BEND3: variants seen among roughly 807,000 people sequenced by gnomAD.
The protein encoded by BEND3 is BEN domain containing 3.
Under a neutral mutation model 60.1 loss-of-function variants are expected in BEND3, and 13 were observed. That is an observed-to-expected ratio of 0.22 (90% CI 0.14 to 0.34). BEND3 has a LOEUF of 0.34. Ranked by LOEUF, BEND3 falls within the 10% of genes least tolerant of loss-of-function variation. The probability of loss-of-function intolerance (pLI) is 1.00; values close to 1 mark genes in which losing one functional copy is unlikely to be tolerated. For synonymous variants in BEND3, 497 were observed against 491.5 expected (o/e 1.01, Z -0.15); for missense variants, 896 against 1,138.1 (o/e 0.79, Z 3.06).
intron 1 of BEND3, among the ~76,000 whole-genome samples, chr6:107,102,903 C>G (rs1289988974): frequency 6.6e-6 from 1 of 152,198 alleles, no homozygotes; most frequent in Non-Finnish European, 1.5e-5. Context: ...GTAACTCCTC[C>G]AGTGTCACAT....
chr6:107,104,273 G>C (rs1416467841), intron 1 of BEND3, among the ~76,000 whole-genome samples: 1 of 129,996 alleles, frequency 7.7e-6, no homozygotes, highest in Non-Finnish European at 1.5e-5. Context: ...CTGGGCGACA[G>C]AGCGAGACTC....
At position 107,067,135 on chromosome 6, in the gene BEND3, T is replaced by C. The variant is rs1212528858; in HGVS notation, c.*1569A>G. ...ATGCTCCTGGGTACAGGCAAAATTATGTCATACAGCCACTGGAACTGAAGT... is the reference window on the plus strand; with the variant it reads ...ATGCTCCTGGGTACAGGCAAAATTACGTCATACAGCCACTGGAACTGAAGT... On this transcript the variant is annotated 3_prime_UTR_variant, in exon 4 of 4. Coordinates refer to ENST00000369042, the MANE Select transcript of BEND3 (RefSeq NM_001367314.1). The C allele has an allele frequency of 1.3e-5, 2 of 152,222 alleles. No homozygotes were observed. Among genetic ancestry groups the C allele is most frequent in the African/African-American group, 4.8e-5 (2 of 41,460 alleles). 9.4% of individuals were successfully genotyped at this position (152,222 alleles called of 1,614,324 possible).
intron 1 of BEND3, chr6:107,106,008 A>T (rs1554237438): frequency 6.6e-6 from 1 of 152,244 alleles, no homozygotes; most frequent in East Asian, 1.9e-4. Flanking sequence ...TAAAGTGGAG[A>T]GAATATGCTC....
At chr6:107,076,855 C>T (rs1181487207) in intron 3 of BEND3, among the ~76,000 whole-genome samples, 1 of 151,858 alleles carries the variant, frequency 6.6e-6, no homozygotes, top group Admixed American at 6.6e-5. Flanking sequence ...TTTTTTGAGA[C>T]AGGATCTCAC....
chr6:107,068,432 T>C lies in BEND3; in HGVS notation c.*272A>G, dbSNP rs1206415831. 2 of 426,956 alleles carry C rather than the reference T, an allele frequency of 4.7e-6. No homozygotes were observed. The highest frequency in any genetic ancestry group is 4.0e-5 in the African/African-American group (2 of 49,780). 26.4% of individuals were successfully genotyped at this position (426,956 alleles called of 1,614,324 possible). ...CCAGGGAGAGAGGACCCCTAACCTC[T>C]GGTCCCTGCCCTCACAGCTTGCTCT... On this transcript the variant is annotated 3_prime_UTR_variant, in exon 4 of 4. Coordinates refer to ENST00000369042, the MANE Select transcript of BEND3 (RefSeq NM_001367314.1). The surrounding 1 kb of genome is among the most constrained non-coding windows in gnomAD (Gnocchi z 5.8).
chr6:107,098,412 A>G (rs1582665233), intron 3 of BEND3, 139 bp downstream of exon 3: 1 of 810,242 alleles, frequency 1.2e-6, no homozygotes. Context: ...CTGAAGCCAG[A>G]GATGGGATAG....
chr6:107,071,973 C>T (rs1225123495), intron 3 of BEND3, among the ~76,000 whole-genome samples: 2 of 152,174 alleles, frequency 1.3e-5, no homozygotes, highest in South Asian at 2.1e-4. Context: ...CGTGTCAAAA[C>T]GTATCAAATT....
At chr6:107,111,236 C>T (rs782392688) in intron 1 of BEND3, among the ~76,000 whole-genome samples, 2 of 151,530 alleles carry the variant, frequency 1.3e-5, no homozygotes, top group South Asian at 2.1e-4. Flanking sequence ...GTAGGCTAGG[C>T]GTGGTGGCTC....
chr6:107,080,337 A>G (rs1775199398), intron 3 of BEND3, among the ~76,000 whole-genome samples: 1 of 144,586 alleles, frequency 6.9e-6, no homozygotes, highest in African/African-American at 2.6e-5. Context: ...CCTGAGCCAC[A>G]GAATGAGATC....
At chr6:107,078,709 G>A (rs1299949214) in intron 3 of BEND3, among the ~76,000 whole-genome samples, 2 of 151,156 alleles carry the variant, frequency 1.3e-5, no homozygotes, top group Non-Finnish European at 2.9e-5. Context: ...ACAGCCCAGC[G>A]AGGCGGGCAG....
Position 107,099,312 on chromosome 6 carries a change from A to C in BEND3, c.-11-16T>G, listed in dbSNP as rs4946811. ...TTCTATTCCGCTAAATAAAAAGACA[A>C]AGACAATGTGTTGACTTATTGCTTG... On this transcript the variant is annotated splice_polypyrimidine_tract_variant and intron_variant, in intron 1 of 3. Coordinates refer to ENST00000369042, the MANE Select transcript of BEND3 (RefSeq NM_001367314.1). 596,613 of 1,590,574 alleles carry C rather than the reference A, an allele frequency of 0.38. 119,466 individuals carry two copies. Among genetic ancestry groups the C allele is most frequent in the Admixed American group, 0.62 (37,049 of 59,306 alleles).
At chr6:107,110,112 T>C (rs540217219) in intron 1 of BEND3, among the ~76,000 whole-genome samples, 21 of 151,838 alleles carry the variant, frequency 1.4e-4, no homozygotes, top group South Asian at 4.2e-4. Context: ...GGCGGAAGCA[T>C]TGCTTGAGCC....
At chr6:107,104,067 G>A (rs942498773) in intron 1 of BEND3, among the ~76,000 whole-genome samples, 1 of 151,906 alleles carries the variant, frequency 6.6e-6, no homozygotes, top group African/African-American at 2.4e-5. Context: ...GGCAGATCAC[G>A]AGGTCAGGAG....
intron 3 of BEND3, among the ~76,000 whole-genome samples, chr6:107,097,170 C>G (rs560742530): frequency 4.0e-5 from 6 of 151,768 alleles, no homozygotes; most frequent in African/African-American, 1.4e-4. Flanking sequence ...AGATTGAGAC[C>G]AGCCTGACCA....
At chr6:107,075,721 G>C (rs1468450230) in intron 3 of BEND3, among the ~76,000 whole-genome samples, 1 of 152,184 alleles carries the variant, frequency 6.6e-6, no homozygotes. Flanking sequence ...CTAAGAAAGA[G>C]ATCATCAGAA....
At chr6:107,079,929 C>G (rs1297711847) in intron 3 of BEND3, among the ~76,000 whole-genome samples, 3 of 151,354 alleles carry the variant, frequency 2.0e-5, no homozygotes, top group Non-Finnish European at 4.4e-5. Flanking sequence ...CAGGGTCTCA[C>G]TATGTTGCCC....
At chr6:107,083,826 C>T (rs142823618) in intron 3 of BEND3, among the ~76,000 whole-genome samples, 123 of 152,010 alleles carry the variant, frequency 8.1e-4, no homozygotes, top group Middle Eastern at 3.4e-3. Context: ...CCATGGCTCA[C>T]GCCTGTAATC....
chr6:107,093,423 T>G (rs1016180265), intron 3 of BEND3, among the ~76,000 whole-genome samples: 2 of 150,714 alleles, frequency 1.3e-5, no homozygotes, highest in Non-Finnish European at 2.9e-5. Flanking sequence ...ATCGCGCCAC[T>G]GCACTCCAGC....
intron 3 of BEND3, among the ~76,000 whole-genome samples, chr6:107,094,733 T>C (rs1229972255): frequency 6.6e-6 from 1 of 151,418 alleles, no homozygotes; most frequent in Non-Finnish European, 1.5e-5. Flanking sequence ...GCCATGCCTG[T>C]AGTCCCAGCT....
Sources: gnomAD v4.1 joint callset for allele counts (sites outside exome capture counted in the v4.1 genomes callset) on GRCh38, gnomAD v4.1.1 for gene constraint, Gnocchi (gnomAD v3.1) non-coding constraint, MANE v1.5 for transcripts, NCBI Gene and HGNC (gene_info 2026-07-23, HGNC 2026-07-21) for gene names.